GLB1: variants seen among roughly 807,000 people sequenced by gnomAD.
GLB1 encodes galactosidase beta 1, also known as beta-galactosidase.
In GLB1, 56 loss-of-function variants were observed where a neutral mutation model predicts 74.0. That is an observed-to-expected ratio of 0.76 (90% confidence interval 0.61 to 0.94). The LOEUF (loss-of-function observed/expected upper bound fraction) is 0.94, where lower values mean the gene tolerates loss of function less well. Ranked by LOEUF, GLB1 falls within the 40% of genes least tolerant of loss-of-function variation. The pLI, the probability that GLB1 is intolerant of heterozygous loss-of-function variation, is 0.00. For missense variants in GLB1, 787 were observed against 845.5 expected, an observed-to-expected ratio of 0.93 and a Z score of 0.86; for synonymous variants, 323 against 323.6, an observed-to-expected ratio of 1.00 and a Z score of 0.02.
chr3:33,077,944 CTT>C (rs1448112937), intron 1 of GLB1, among the ~76,000 whole-genome samples: 1 of 150,930 alleles, frequency 6.6e-6, no homozygotes, highest in Non-Finnish European at 1.5e-5. Context: ...AATTTTATAA[CTT>C]TGTTGTACAT....
chr3:33,047,126 A>G (rs540083671), intron 9 of GLB1, among the ~76,000 whole-genome samples: 40 of 152,304 alleles, frequency 2.6e-4, no homozygotes, highest in Non-Finnish European at 4.1e-4. Context: ...AGAGAGCACA[A>G]TCAATAAGCT....
chr3:33,020,708 A>G (rs1208492469), intron 12 of GLB1, among the ~76,000 whole-genome samples: 24 of 152,254 alleles, frequency 1.6e-4, no homozygotes, highest in Non-Finnish European at 1.6e-4. Flanking sequence ...ACGTTATTGC[A>G]ATGACCAGGG....
chr3:33,002,508 T>C (rs1485094573), intron 15 of GLB1, among the ~76,000 whole-genome samples: 3 of 152,114 alleles, frequency 2.0e-5, no homozygotes, highest in African/African-American at 4.8e-5. Flanking sequence ...GCTGGGACTA[T>C]AGGTGTGAAA....
At chr3:33,067,278 C>T (rs1699723108) in intron 4 of GLB1, among the ~76,000 whole-genome samples, 1 of 152,078 alleles carries the variant, frequency 6.6e-6, no homozygotes, top group Admixed American at 6.6e-5. Context: ...GCTGGGATTA[C>T]AGGCATGAGC....
chr3:33,043,844 G>GGA (rs1698630346), intron 10 of GLB1, among the ~76,000 whole-genome samples: 1 of 104,982 alleles, frequency 9.5e-6, no homozygotes, highest in Non-Finnish European at 1.8e-5. Flanking sequence ...ACCAAAAAAA[G>GGA]AAAAAAAAAA....
rs773246174 is a variant in GLB1 at position 33,097,051 on chromosome 3, A to C, written c.35T>G (p.Leu12Trp). The C allele has an allele frequency of 6.2e-7, 1 of 1,612,088 alleles. No homozygotes were observed. The highest frequency in any genetic ancestry group is 8.5e-7 in the Non-Finnish European group (1 of 1,178,644). Residue 12 changes from leucine to tryptophan, a missense_variant, in exon 1 of 16, where the codon TTG becomes TGG. Leu to Trp is a moderately conservative substitution (Grantham distance 61, BLOSUM62 -2). Transcript: ENST00000307363. ...PGFLVRILPLLLVLLLLGPTR... is the reference protein window; with the variant it reads ...PGFLVRILPLWLVLLLLGPTR... ...AGGGCCCAGAAGCAGCAGAACCAGCAACAGAGGGAGGATGCGAACCAGGAA... is the reference window on the plus strand; with the variant it reads ...AGGGCCCAGAAGCAGCAGAACCAGCCACAGAGGGAGGATGCGAACCAGGAA...
intron 1 of GLB1, chr3:33,094,447 A>T (rs535227045): frequency 3.1e-4 from 321 of 1,022,098 alleles, no homozygotes; most frequent in Non-Finnish European, 3.5e-4. Context: ...ATACTTTATT[A>T]TTCAAAAAGA....
At chr3:33,085,693 TAA>T (rs920211706) in intron 1 of GLB1, among the ~76,000 whole-genome samples, 1 of 143,324 alleles carries the variant, frequency 7.0e-6, no homozygotes, top group African/African-American at 2.6e-5. Context: ...AGGGCTAGAT[TAA>T]AAAAAAAAAC....
At chr3:32,982,474 CAAAAACAAA>C in the GLB1 span, among the ~76,000 whole-genome samples, 1 of 118,278 alleles carries the variant, frequency 8.5e-6, no homozygotes, top group Non-Finnish European at 1.7e-5. Context: ...ATTACCAAAA[CAAAAACAAA>C]AACAAAACAA....
intron 1 of GLB1, among the ~76,000 whole-genome samples, chr3:33,079,965 G>A (rs1403230252): frequency 6.6e-6 from 1 of 152,140 alleles, no homozygotes; most frequent in East Asian, 1.9e-4. Context: ...CAAATTTTCT[G>A]TAGAGATAGG....
chr3:33,030,669 C>T, intron 10 of GLB1: 1 of 985,420 alleles, frequency 1.0e-6, no homozygotes, highest in Non-Finnish European at 1.2e-6. Context: ...GTTCTCCCAT[C>T]CCCTCTTCAC....
At chr3:32,986,108 T>C in the GLB1 span, among the ~76,000 whole-genome samples, 3 of 152,282 alleles carry the variant, frequency 2.0e-5, no homozygotes, top group African/African-American at 4.8e-5. Flanking sequence ...TGATTTTCCA[T>C]GTTCCCTTTT....
At chr3:33,072,503 G>A in intron 2 of GLB1, 41 bp downstream of exon 2, 1 of 1,611,980 alleles carries the variant, frequency 6.2e-7, no homozygotes, top group Non-Finnish European at 8.5e-7. Context: ...TCCAGAGTGG[G>A]TGTTCAGGCC....
chr3:33,028,661 CA>C lies in GLB1; in HGVS notation c.1069-4337del, dbSNP rs574458140. On this transcript the variant is annotated intron_variant, in intron 10 of 15. Coordinates refer to ENST00000307363, the MANE Select transcript of GLB1 (RefSeq NM_000404.4). ...TCCATACTTGCTTATGTCATTTACC[CA>C]AAAATTTTTTTTTTTTTTTTGATAC... 1.4e-3 allele frequency among the ~76,000 whole-genome samples: 205 copies of C among 147,098 alleles called. 3 individuals are homozygous for C. The highest frequency in any genetic ancestry group is 0.011 in the Middle Eastern group (3 of 284).
chr3:33,089,337 C>T (rs1483848809), intron 1 of GLB1, among the ~76,000 whole-genome samples: 2 of 152,250 alleles, frequency 1.3e-5, no homozygotes, highest in East Asian at 3.9e-4. Context: ...AGGCAATGTA[C>T]AGAACTGAAG....
intron 1 of GLB1, chr3:33,090,366 G>C: frequency 1.0e-6 from 1 of 982,838 alleles, no homozygotes; most frequent in Non-Finnish European, 1.2e-6. Flanking sequence ...GTACATGTAC[G>C]AAAAGTTTAA....
intron 15 of GLB1, among the ~76,000 whole-genome samples, chr3:33,013,188 A>G (rs1228510549): frequency 6.6e-6 from 1 of 152,148 alleles, no homozygotes; most frequent in Non-Finnish European, 1.5e-5. Flanking sequence ...CCTTCTTGCC[A>G]TGCTAATTCT....
the GLB1 span, among the ~76,000 whole-genome samples, chr3:32,981,147 T>C: frequency 2.1e-5 from 3 of 142,522 alleles, no homozygotes; most frequent in Non-Finnish European, 4.5e-5. Flanking sequence ...GGCTCACTAC[T>C]GTAATCCAAC....
At chr3:32,976,690 C>T in the GLB1 span, among the ~76,000 whole-genome samples, 98,729 of 151,990 alleles carry the variant, frequency 0.65, 36,189 homozygotes, top group Non-Finnish European at 0.83. Flanking sequence ...AAGCTTCATG[C>T]TTCTTAGGGC....
Sources: allele counts gnomAD v4.1 joint callset (sites outside exome capture counted in the v4.1 genomes callset), GRCh38; gene constraint gnomAD v4.1.1; transcripts MANE v1.5; gene names NCBI Gene and HGNC (gene_info 2026-07-23, HGNC 2026-07-21).